ZFHX4: variants seen among roughly 807,000 people sequenced by gnomAD.
ZFHX4 encodes the protein zinc finger homeobox protein 4.
A neutral mutation model predicts 267.6 loss-of-function variants in ZFHX4; 56 were observed. The observed-to-expected ratio is 0.21, with a 90% CI of 0.17 to 0.26. ZFHX4 has a LOEUF of 0.26. ZFHX4 is among the 10% of genes least tolerant of loss of function. ZFHX4 has a pLI of 1.00. For synonymous variants in ZFHX4, 1,778 were observed against 1,665.6 expected (o/e 1.07, Z -1.64); for missense variants, 4,332 against 4,420.0 (o/e 0.98, Z 0.56).
intron 1 of ZFHX4, among the ~76,000 whole-genome samples, chr8:76,687,067 G>A (rs922683351): frequency 1.3e-5 from 2 of 152,188 alleles, no homozygotes; most frequent in Non-Finnish European, 2.9e-5. Flanking sequence ...ATTAACATAT[G>A]CAAATTGTCA....
chr8:76,863,308 G>C lies in ZFHX4; in HGVS notation c.9594G>C (p.Lys3198Asn), dbSNP rs546306466. ...ESEKKQTKPN[K>N]VKKIKEEELE... ...AGAAAAAGCAAACTAAGCCAAACAA[G>C]GTGAAAAAAATCAAAGAGGAGGAAT... The change falls in exon 11 of 11, where the codon AAG becomes AAC. Residue 3198 changes from lysine to asparagine, a missense_variant. Transcript: ENST00000651372. The C allele has an allele frequency of 6.2e-7, 1 of 1,612,572 alleles. No homozygotes were observed. Among genetic ancestry groups the C allele is most frequent in the Non-Finnish European group, 8.5e-7 (1 of 1,179,534 alleles).
At position 76,863,207 on chromosome 8, in the gene ZFHX4, C is replaced by G. The variant is rs764599734; in HGVS notation, c.9493C>G (p.Pro3165Ala). 75 of 1,572,240 alleles carry G rather than the reference C, an allele frequency of 4.8e-5. No homozygotes were observed. Among genetic ancestry groups the G allele is most frequent in the Non-Finnish European group, 6.3e-5 (73 of 1,158,460 alleles). Residue 3165 changes from proline to alanine, a missense_variant, in exon 11 of 11, where the codon CCA becomes GCA. Physicochemically the swap from Pro to Ala is conservative, Grantham distance 27. Coordinates refer to ENST00000651372, the MANE Select transcript of ZFHX4 (RefSeq NM_024721.5). ...TKPLLQTPPP[P>A]PPPPPPPPSS... ...ACCTTTGCTGCAGACTCCACCACCTCCACCACCTCCTCCTCCTCCTCCTCC... is the reference window on the plus strand; with the variant it reads ...ACCTTTGCTGCAGACTCCACCACCTGCACCACCTCCTCCTCCTCCTCCTCC...
chr8:76,689,547 T>C (rs916065014), intron 1 of ZFHX4, among the ~76,000 whole-genome samples: 1 of 152,152 alleles, frequency 6.6e-6, no homozygotes, highest in Non-Finnish European at 1.5e-5. Context: ...TCACAGTCTT[T>C]GATGGCTAAA....
At chr8:76,862,687 G>A (rs911807567) in intron 10 of ZFHX4, among the ~76,000 whole-genome samples, 4 of 152,172 alleles carry the variant, frequency 2.6e-5, no homozygotes, top group Non-Finnish European at 4.4e-5. Flanking sequence ...AGGACGGAGA[G>A]AGTCTGCCTT....
chr8:76,706,167 G>A lies in ZFHX4; in HGVS notation c.2079G>A (p.Thr693=). 5.6e-6 allele frequency: 9 copies of A among 1,614,036 alleles called. No homozygotes were observed. Among genetic ancestry groups the A allele is most frequent in the Non-Finnish European group, 7.6e-6 (9 of 1,180,014 alleles). Residue 693 remains threonine (T), a synonymous_variant, in exon 2 of 11, where the codon ACG becomes ACA. Coordinates refer to ENST00000651372, the MANE Select transcript of ZFHX4 (RefSeq NM_024721.5). Reference sequence around the variant, plus strand: ...GGCTTGCCCGGGGTGAGAGTTACACGTGTGGCTATAAACCCTTCCGTTGTG... The same window carrying A: ...GGCTTGCCCGGGGTGAGAGTTACACATGTGGCTATAAACCCTTCCGTTGTG... ...HPRLARGESY[T]CGYKPFRCEV...
chr8:76,698,470 C>T (rs547890492), intron 1 of ZFHX4, among the ~76,000 whole-genome samples: 87 of 152,152 alleles, frequency 5.7e-4, no homozygotes, highest in Non-Finnish European at 2.6e-4. Flanking sequence ...CACCTTTTCT[C>T]CTTAGCTCTT....
intron 3 of ZFHX4, among the ~76,000 whole-genome samples, chr8:76,736,274 C>G (rs1006387306): frequency 1.3e-5 from 2 of 151,386 alleles, no homozygotes; most frequent in African/African-American, 2.4e-5. Context: ...TTAAGTCAAG[C>G]CTTGAAAAAA....
intron 1 of ZFHX4, among the ~76,000 whole-genome samples, chr8:76,694,961 A>G (rs1423430301): frequency 6.6e-6 from 1 of 151,896 alleles, no homozygotes; most frequent in Non-Finnish European, 1.5e-5. Flanking sequence ...TGAAAATGTC[A>G]GGACCAATGA....
chr8:76,854,091 C>A lies in ZFHX4; in HGVS notation c.7170C>A (p.Pro2390=), dbSNP rs534280594. 1 of 1,613,788 alleles carries A rather than the reference C, an allele frequency of 6.2e-7. No homozygotes were observed. Among genetic ancestry groups the A allele is most frequent in the Admixed American group, 1.7e-5 (1 of 59,996 alleles). The change falls in exon 10 of 11, where the codon CCC becomes CCA. Residue 2390 remains proline (P), a synonymous_variant. Transcript: ENST00000651372. ...AASSGSGTST[P]LIPSPKPEPE... ...GTTCTGGCTCTGGGACCAGCACCCC[C>A]CTGATTCCATCACCCAAACCAGAAC... is the stretch of plus-strand genomic sequence containing the variant.
chr8:76,855,623 C>G lies in ZFHX4; in HGVS notation c.8702C>G (p.Thr2901Arg), dbSNP rs561513244. ...GATGACAACGCCGACCGCAGCGAAA[C>G]GTCCAGCATAGCGGACCCGAGCTCC... ...DPDDNADRSE[T>R]SSIADPSSPN... Residue 2901 changes from threonine (T) to arginine (R), a missense_variant, in exon 10 of 11, where the codon ACG becomes AGG. By Grantham distance (71) the Thr-to-Arg change is moderately conservative. Transcript: ENST00000651372. 1.3e-5 allele frequency: 21 copies of G among 1,613,616 alleles called. No individual in the cohort carries two copies. In the Admixed American group the frequency reaches 2.3e-4, roughly 18 times the overall value.
intron 4 of ZFHX4, among the ~76,000 whole-genome samples, chr8:76,806,347 G>A (rs1811244980): frequency 1.3e-5 from 2 of 152,052 alleles, no homozygotes; most frequent in African/African-American, 4.8e-5. Flanking sequence ...GTGGACTATG[G>A]GTGTAGACTC....
In ZFHX4 at chr8:76,854,931, A is replaced by C; in HGVS notation, c.8010A>C (p.Pro2670=). The part of the protein sequence containing the change: ...ERKGQFRAVG[P]AQSHKRCPFC... Reference sequence around the variant, plus strand: ...AAGGCCAGTTCCGGGCGGTGGGTCCAGCACAGTCTCATAAACGGTGTCCGT... The same window carrying C: ...AAGGCCAGTTCCGGGCGGTGGGTCCCGCACAGTCTCATAAACGGTGTCCGT... The change falls in exon 10 of 11, where the codon CCA becomes CCC. Residue 2670 remains proline (P), a synonymous_variant. Coordinates refer to ENST00000651372, the MANE Select transcript of ZFHX4 (RefSeq NM_024721.5). 1.9e-6 allele frequency: 3 copies of C among 1,614,006 alleles called. No individual in the cohort carries two copies. Among genetic ancestry groups the C allele is most frequent in the Non-Finnish European group, 2.5e-6 (3 of 1,179,882 alleles).
chr8:76,775,237 G>A (rs1431609722), intron 3 of ZFHX4, among the ~76,000 whole-genome samples: 1 of 152,124 alleles, frequency 6.6e-6, no homozygotes, highest in Non-Finnish European at 1.5e-5. Flanking sequence ...AACCACTAAT[G>A]AGAAATGTTT....
chr8:76,813,802 G>T (rs1340961546), intron 4 of ZFHX4, among the ~76,000 whole-genome samples: 1 of 152,032 alleles, frequency 6.6e-6, no homozygotes, highest in Non-Finnish European at 1.5e-5. Context: ...GTTTGGAGAG[G>T]CCCATTAGCA....
chr8:76,706,706 T>G, intron 2 of ZFHX4, 28 bp downstream of exon 2: 2 of 1,506,742 alleles, frequency 1.3e-6, no homozygotes, highest in Non-Finnish European at 1.8e-6. Flanking sequence ...TTCTGCACTG[T>G]TGTTAGTTTC....
chr8:76,707,072 T>C (rs1808296257), intron 2 of ZFHX4, among the ~76,000 whole-genome samples: 3 of 152,214 alleles, frequency 2.0e-5, no homozygotes, highest in Admixed American at 6.5e-5. Context: ...ATTAAATATA[T>C]TTAAGAAATA....
chr8:76,735,806 A>G (rs933888452), intron 3 of ZFHX4, among the ~76,000 whole-genome samples: 1 of 152,108 alleles, frequency 6.6e-6, no homozygotes, highest in Non-Finnish European at 1.5e-5. Flanking sequence ...AATCACCATA[A>G]TATAAATATG....
At chr8:76,796,879 T>C (rs1810992523) in intron 4 of ZFHX4, among the ~76,000 whole-genome samples, 1 of 152,222 alleles carries the variant, frequency 6.6e-6, no homozygotes. Context: ...CCTACCCATC[T>C]TTTTCATACA....
rs1261301457 is a variant in ZFHX4, at chr8:76,704,383, C to T, written c.295C>T (p.His99Tyr). ...CAGTTTACAGAAATACATGGAACAC[C>T]ACTGCCCTAATGCCCGCCTTCCTGT... ...FPSLQKYMEH[H>Y]CPNARLPVLK... is the part of the protein sequence containing the mutation. Residue 99 changes from histidine to tyrosine, a missense_variant, in exon 2 of 11, where the codon CAC becomes TAC. His to Tyr is a moderately conservative substitution (Grantham distance 83, BLOSUM62 2). This residue lies in a region of ZFHX4 where 1,195 missense variants were observed against 1,173.6 expected (regional missense o/e 1.02). Transcript: ENST00000651372. 1 of 1,613,834 alleles carries T rather than the reference C, an allele frequency of 6.2e-7. No individual in the cohort carries two copies. The highest frequency in any genetic ancestry group is 8.5e-7 in the Non-Finnish European group (1 of 1,179,888).
Sources: allele counts gnomAD v4.1 joint callset (sites outside exome capture counted in the v4.1 genomes callset), GRCh38; gene constraint gnomAD v4.1.1; regional missense constraint gnomAD v4.1.1; transcripts MANE v1.5; gene names NCBI Gene and HGNC (gene_info 2026-07-23, HGNC 2026-07-21).